Variants in CCDC178 observed in about 807,000 individuals in gnomAD.
CCDC178 encodes coiled-coil domain-containing protein 178.
In CCDC178, 126 loss-of-function variants were observed where a neutral mutation model predicts 117.4. The observed-to-expected ratio is 1.07, with a 90% CI of 0.93 to 1.24. The LOEUF is 1.24. Among genes scored for constraint, CCDC178 ranks in the 50% most tolerant of loss-of-function variants. CCDC178 has a pLI of 0.00. For synonymous variants in CCDC178, 283 were observed against 313.4 expected (o/e 0.90, Z 1.02); for missense variants, 1,030 against 986.9 (o/e 1.04, Z -0.59).
At chr18:33,399,468 C>T (rs2063682151) in intron 3 of CCDC178, among the ~76,000 whole-genome samples, 2 of 152,202 alleles carry the variant, frequency 1.3e-5, no homozygotes, top group African/African-American at 2.4e-5. Flanking sequence ...GAAGCCAATC[C>T]TCTCAAACCC....
At chr18:33,437,129 T>C (rs1487932392) in intron 2 of CCDC178, among the ~76,000 whole-genome samples, 1 of 152,198 alleles carries the variant, frequency 6.6e-6, no homozygotes, top group Non-Finnish European at 1.5e-5. Flanking sequence ...CTAGCAAAAA[T>C]GCTTAGCTTT....
At chr18:33,158,329 G>A (rs1240731157) in intron 20 of CCDC178, among the ~76,000 whole-genome samples, 1 of 152,036 alleles carries the variant, frequency 6.6e-6, no homozygotes, top group African/African-American at 2.4e-5. Context: ...AATTTCCACA[G>A]AAAACGTCTA....
chr18:33,405,527 T>C (rs1470759297), intron 3 of CCDC178, among the ~76,000 whole-genome samples: 1 of 151,838 alleles, frequency 6.6e-6, no homozygotes, highest in Non-Finnish European at 1.5e-5. Flanking sequence ...CAAATGACAA[T>C]TAGATAATAC....
intron 2 of CCDC178, among the ~76,000 whole-genome samples, chr18:33,424,412 T>A (rs573378240): frequency 6.6e-6 from 1 of 152,202 alleles, no homozygotes; most frequent in African/African-American, 2.4e-5. Context: ...ATTCAAGGAA[T>A]AGGCCAAGGC....
intron 21 of CCDC178, among the ~76,000 whole-genome samples, chr18:33,082,496 G>C (rs902770002): frequency 6.6e-6 from 1 of 152,226 alleles, no homozygotes; most frequent in South Asian, 2.1e-4. Context: ...AATACTTAGA[G>C]CATAGCATGC....
chr18:33,026,375 C>T (rs1184074783), intron 21 of CCDC178, among the ~76,000 whole-genome samples: 1 of 152,066 alleles, frequency 6.6e-6, no homozygotes, highest in East Asian at 1.9e-4. Context: ...AAAGAATACA[C>T]AAAATCTTTC....
chr18:33,102,137 C>G (rs1381221091), intron 20 of CCDC178, among the ~76,000 whole-genome samples: 1 of 151,668 alleles, frequency 6.6e-6, no homozygotes, highest in Non-Finnish European at 1.5e-5. Context: ...GCAAGTCCTT[C>G]AGAAATAAAA....
chr18:33,327,140 T>A (rs539471040), intron 10 of CCDC178, among the ~76,000 whole-genome samples: 1 of 152,358 alleles, frequency 6.6e-6, no homozygotes, highest in Non-Finnish European at 1.5e-5. Context: ...CCCTAGGTAG[T>A]CATTAATCCT....
intron 20 of CCDC178, among the ~76,000 whole-genome samples, chr18:33,179,947 T>C (rs1156657320): frequency 6.6e-6 from 1 of 152,014 alleles, no homozygotes; most frequent in African/African-American, 2.4e-5. Flanking sequence ...TTTCAGGATA[T>C]AAATGATAAA....
chr18:33,357,794 C>CTGAA (rs1568173064), intron 6 of CCDC178, among the ~76,000 whole-genome samples: 2 of 150,334 alleles, frequency 1.3e-5, no homozygotes, highest in South Asian at 2.1e-4. Flanking sequence ...CTACCAAAAT[C>CTGAA]TGAACAAAAA....
intron 10 of CCDC178, among the ~76,000 whole-genome samples, chr18:33,325,939 C>G (rs1599164523): frequency 1.3e-5 from 2 of 152,270 alleles, no homozygotes; most frequent in East Asian, 3.9e-4. Context: ...TTTCTAGTTC[C>G]AAAACATTTT....
intron 20 of CCDC178, among the ~76,000 whole-genome samples, chr18:33,205,740 G>T (rs916426655): frequency 3.3e-5 from 5 of 152,178 alleles, no homozygotes; most frequent in African/African-American, 1.2e-4. Context: ...TGTCACTCAG[G>T]CTGAAATGCA....
chr18:33,425,329 ATATT>A (rs552534916), intron 2 of CCDC178, among the ~76,000 whole-genome samples: 1 of 152,300 alleles, frequency 6.6e-6, no homozygotes, highest in Non-Finnish European at 1.5e-5. Flanking sequence ...CTGAAACACA[ATATT>A]TATGGAAAAG....
intron 12 of CCDC178, among the ~76,000 whole-genome samples, chr18:33,279,801 A>G (rs1262305134): frequency 6.6e-6 from 1 of 152,196 alleles, no homozygotes; most frequent in African/African-American, 2.4e-5. Context: ...AACGCCGCTT[A>G]TCTACAACTA....
chr18:33,061,083 T>C (rs2056913382), intron 21 of CCDC178, among the ~76,000 whole-genome samples: 1 of 152,108 alleles, frequency 6.6e-6, no homozygotes, highest in Non-Finnish European at 1.5e-5. Context: ...AACATTAAAA[T>C]ACATCAACTT....
chr18:33,098,754 T>C (rs2057581307), intron 20 of CCDC178, among the ~76,000 whole-genome samples: 1 of 152,084 alleles, frequency 6.6e-6, no homozygotes, highest in African/African-American at 2.4e-5. Flanking sequence ...TTTTTGTTTA[T>C]TTAATCATTT....
At chr18:33,275,432 T>C (rs1416216068) in intron 12 of CCDC178, among the ~76,000 whole-genome samples, 1 of 149,738 alleles carries the variant, frequency 6.7e-6, no homozygotes, top group Non-Finnish European at 1.5e-5. Flanking sequence ...TTTGCAGTAG[T>C]TACTATTTTC....
chr18:33,209,532 G>A (rs2059083063), intron 20 of CCDC178, among the ~76,000 whole-genome samples: 2 of 151,916 alleles, frequency 1.3e-5, no homozygotes, highest in Non-Finnish European at 2.9e-5. Context: ...TTTCTTTGCA[G>A]GGATCCTTTA....
At chr18:33,205,666 T>C (rs2059037544) in intron 20 of CCDC178, among the ~76,000 whole-genome samples, 1 of 152,190 alleles carries the variant, frequency 6.6e-6, no homozygotes, top group Non-Finnish European at 1.5e-5. Context: ...TCAGAAATTC[T>C]CTATGGAGCA....
Sources: allele counts gnomAD v4.1 joint callset (sites outside exome capture counted in the v4.1 genomes callset), GRCh38; gene constraint gnomAD v4.1.1; transcripts MANE v1.5; gene names NCBI Gene and HGNC (gene_info 2026-07-23, HGNC 2026-07-21).